Variants in GMDS observed in about 807,000 individuals in gnomAD.
The protein encoded by GMDS is GDP-mannose 4,6-dehydratase.
In GMDS, 20 loss-of-function variants were observed where a neutral mutation model predicts 49.9. The ratio of observed to expected loss-of-function variants is 0.40; its 90% CI spans 0.28 to 0.58. GMDS has a LOEUF of 0.58. Among genes scored for constraint, GMDS ranks in the 20% least tolerant of loss-of-function variants. The probability of loss-of-function intolerance (pLI) is 0.42; values close to 1 mark genes in which losing one functional copy is unlikely to be tolerated. For missense variants in GMDS, 362 were observed against 481.4 expected (o/e 0.75, Z 2.32); for synonymous variants, 177 against 178.6 (o/e 0.99, Z 0.07).
At chr6:2,037,410 T>C (rs1223805768) in intron 4 of GMDS, among the ~76,000 whole-genome samples, 1 of 152,120 alleles carries the variant, frequency 6.6e-6, no homozygotes, top group East Asian at 1.9e-4. Flanking sequence ...CCCTCACTAG[T>C]CAGCTGTGCA....
chr6:2,107,359 A>G (rs1446616331), intron 4 of GMDS, among the ~76,000 whole-genome samples: 1 of 152,150 alleles, frequency 6.6e-6, no homozygotes, highest in Non-Finnish European at 1.5e-5. Context: ...TCTGAGCCAG[A>G]TGACACACAG....
chr6:1,880,037 A>G (rs1759287747), intron 7 of GMDS, among the ~76,000 whole-genome samples: 1 of 152,190 alleles, frequency 6.6e-6, no homozygotes, highest in African/African-American at 2.4e-5. Context: ...AGAAGAATGA[A>G]TAATGATAAA....
At chr6:1,701,741 T>C (rs1765550739) in intron 9 of GMDS, among the ~76,000 whole-genome samples, 1 of 151,958 alleles carries the variant, frequency 6.6e-6, no homozygotes, top group Non-Finnish European at 1.5e-5. Flanking sequence ...TTTATTATAA[T>C]AAATAAATGT....
intron 1 of GMDS, among the ~76,000 whole-genome samples, chr6:2,217,939 T>C (rs1780413709): frequency 6.6e-6 from 1 of 152,192 alleles, no homozygotes; most frequent in Non-Finnish European, 1.5e-5. Context: ...TTTACCCAAG[T>C]TAATTTGGAC....
intron 1 of GMDS, 88 bp downstream of exon 1, chr6:2,245,233 A>G (rs1297886137): frequency 8.7e-6 from 8 of 923,822 alleles, no homozygotes; most frequent in Non-Finnish European, 1.3e-5. Context: ...CTGTTCCTGG[A>G]GAGACCGCAG....
intron 7 of GMDS, among the ~76,000 whole-genome samples, chr6:1,743,501 C>G (rs1767361337): frequency 7.1e-6 from 1 of 141,780 alleles, no homozygotes. Flanking sequence ...CGAGATCGCG[C>G]CACTGCACTC....
Position 1,833,545 on chromosome 6 carries a change from C to T in GMDS, c.772-90959G>A, listed in dbSNP as rs993970559. On this transcript the variant is annotated intron_variant, in intron 7 of 10. Coordinates refer to ENST00000380815, the MANE Select transcript of GMDS (RefSeq NM_001500.4). This position sits in a 1 kb window ranked among gnomAD's most constrained non-coding sequence, Gnocchi z 4.4. The stretch of plus-strand genomic sequence containing the variant: ...TTTTCTTCCTTTCCCTTCTCCTCCC[C>T]TTCCTGAGGGAACATAACACAAGGT... 2.3e-4 allele frequency among the ~76,000 whole-genome samples: 35 copies of T among 152,020 alleles called. No homozygotes were observed. The highest frequency in any genetic ancestry group is 7.9e-4 in the Admixed American group (12 of 15,264).
chr6:1,938,938 C>A (rs1762676231), intron 6 of GMDS, among the ~76,000 whole-genome samples: 1 of 150,966 alleles, frequency 6.6e-6, no homozygotes, highest in Non-Finnish European at 1.5e-5. Flanking sequence ...TTCTTCCCTT[C>A]CTTCCTCCCT....
At chr6:1,731,415 T>C (rs928145799) in intron 8 of GMDS, among the ~76,000 whole-genome samples, 1 of 152,170 alleles carries the variant, frequency 6.6e-6, no homozygotes, top group African/African-American at 2.4e-5. Flanking sequence ...TAGACCCACC[T>C]CACATCAAGT....
chr6:2,165,769 A>G (rs559885908), intron 1 of GMDS, among the ~76,000 whole-genome samples: 36 of 152,362 alleles, frequency 2.4e-4, no homozygotes, highest in South Asian at 2.1e-4. Flanking sequence ...TAAAATATAT[A>G]GAGTTGAGAC....
intron 9 of GMDS, among the ~76,000 whole-genome samples, chr6:1,703,296 G>C (rs1259027393): frequency 6.6e-6 from 1 of 152,126 alleles, no homozygotes; most frequent in Non-Finnish European, 1.5e-5. Flanking sequence ...TCCTCAGGGA[G>C]AGCAGATGTT....
At chr6:1,936,306 C>T (rs79794362) in intron 6 of GMDS, among the ~76,000 whole-genome samples, 49 of 152,300 alleles carry the variant, frequency 3.2e-4, no homozygotes, top group Admixed American at 5.9e-4. Flanking sequence ...GACCCTAAGG[C>T]AGTCGCTGAA....
intron 4 of GMDS, among the ~76,000 whole-genome samples, chr6:2,030,410 G>A (rs1280020904): frequency 6.6e-6 from 1 of 152,208 alleles, no homozygotes; most frequent in Non-Finnish European, 1.5e-5. Flanking sequence ...CTGCGAATTT[G>A]TAGGACGAGG....
At chr6:1,644,802 C>T (rs982739520) in intron 9 of GMDS, among the ~76,000 whole-genome samples, 1 of 152,204 alleles carries the variant, frequency 6.6e-6, no homozygotes, top group African/African-American at 2.4e-5. Context: ...GCTCTGACAG[C>T]TTTGGCTCTC....
At chr6:1,907,286 G>C (rs1353685364) in intron 7 of GMDS, among the ~76,000 whole-genome samples, 1 of 152,160 alleles carries the variant, frequency 6.6e-6, no homozygotes, top group Middle Eastern at 3.2e-3. Context: ...TGAGAAACTG[G>C]TGGATGGGTT....
intron 4 of GMDS, among the ~76,000 whole-genome samples, chr6:2,089,371 G>T (rs143756768): frequency 1.6e-3 from 247 of 152,102 alleles, no homozygotes; most frequent in African/African-American, 5.2e-3. Context: ...GAGATGACAA[G>T]GAAGGACTTA....
At chr6:2,203,208 G>A (rs1193556946) in intron 1 of GMDS, among the ~76,000 whole-genome samples, 2 of 152,096 alleles carry the variant, frequency 1.3e-5, no homozygotes, top group African/African-American at 4.8e-5. Context: ...TTGGGGGGTA[G>A]TTAACGTTTA....
intron 1 of GMDS, among the ~76,000 whole-genome samples, chr6:2,202,056 C>A (rs1366331557): frequency 7.9e-5 from 6 of 76,392 alleles, no homozygotes; most frequent in South Asian, 5.4e-4. Context: ...GAGGGCAGCG[C>A]GTTAGCAGAG....
chr6:1,730,955 G>A (rs1245340708), intron 8 of GMDS, among the ~76,000 whole-genome samples: 1 of 152,032 alleles, frequency 6.6e-6, no homozygotes, highest in Non-Finnish European at 1.5e-5. Context: ...AACAAGCAGG[G>A]GGAGGAGAAT....
Sources: gnomAD v4.1 joint callset for allele counts (sites outside exome capture counted in the v4.1 genomes callset) on GRCh38, gnomAD v4.1.1 for gene constraint, Gnocchi (gnomAD v3.1) non-coding constraint, MANE v1.5 for transcripts, NCBI Gene and HGNC (gene_info 2026-07-23, HGNC 2026-07-21) for gene names.